ARFGEF2: variants seen among roughly 807,000 people sequenced by gnomAD.
ARFGEF2 encodes the protein ARF guanine nucleotide exchange factor 2.
In ARFGEF2, 74 loss-of-function variants were observed where a neutral mutation model predicts 219.9. The observed-to-expected ratio is 0.34, with a 90% CI of 0.28 to 0.41. The LOEUF (loss-of-function observed/expected upper bound fraction) is 0.41, where lower values mean the gene tolerates loss of function less well. ARFGEF2 is among the 10% of genes least tolerant of loss of function. ARFGEF2 has a pLI of 1.00. For missense variants in ARFGEF2, 1,743 were observed against 2,218.3 expected (o/e 0.79, Z 4.30); for synonymous variants, 733 against 799.2 (o/e 0.92, Z 1.40).
chr20:49,003,874 T>G (rs904079138), intron 25 of ARFGEF2, among the ~76,000 whole-genome samples: 70 of 152,150 alleles, frequency 4.6e-4, no homozygotes, highest in African/African-American at 1.6e-3. Context: ...GCCTCAATAA[T>G]TTTGCAGAAG....
At chr20:49,011,826 G>T (rs1535268) in intron 27 of ARFGEF2, 98 bp from the exon 28 acceptor site, 1 of 1,270,734 alleles carries the variant, frequency 7.9e-7, no homozygotes. Flanking sequence ...AATTATCTCT[G>T]ATGTATGTGT....
At chr20:49,028,778 A>C in intron 37 of ARFGEF2, 110 bp downstream of exon 37, 2 of 1,288,538 alleles carry the variant, frequency 1.6e-6, no homozygotes, top group Admixed American at 2.1e-5. Context: ...ACACTCTGAC[A>C]AATTTTTTTT....
At chr20:49,014,079 A>T (rs529730001) in intron 30 of ARFGEF2, 119 bp downstream of exon 30, 1 of 1,365,394 alleles carries the variant, frequency 7.3e-7, no homozygotes, top group African/African-American at 1.4e-5. Context: ...TGAGCAACTT[A>T]AGGTTTTAAA....
intron 34 of ARFGEF2, 101 bp downstream of exon 34, chr20:49,019,099 C>T: frequency 2.0e-6 from 2 of 997,930 alleles, no homozygotes; most frequent in Non-Finnish European, 3.1e-6. Flanking sequence ...TTCTTCTGCC[C>T]TGTGCCTCAG....
intron 6 of ARFGEF2, among the ~76,000 whole-genome samples, chr20:48,957,452 C>T (rs2091112521): frequency 6.6e-6 from 1 of 152,166 alleles, no homozygotes; most frequent in Non-Finnish European, 1.5e-5. Flanking sequence ...CAAGGTGGCC[C>T]TCTTATTTTG....
intron 26 of ARFGEF2, 147 bp from the exon 27 acceptor site, chr20:49,010,085 A>C (rs1401290349): frequency 1.1e-6 from 1 of 925,620 alleles, no homozygotes; most frequent in Non-Finnish European, 1.6e-6. Flanking sequence ...TTGGAATGGA[A>C]GTGAGAGGAA....
chr20:48,989,664 G>A lies in ARFGEF2; in HGVS notation c.2794G>A (p.Ala932Thr), dbSNP rs199594681. The A allele has an allele frequency of 2.2e-5, 35 of 1,614,184 alleles. No individual in the cohort carries two copies. In the East Asian group the frequency reaches 4.9e-4, roughly 23 times the overall value. Residue 932 changes from alanine to threonine, a missense_variant, in exon 20 of 39, where the codon GCC (alanine) becomes ACC (threonine). Ala to Thr is a moderately conservative substitution (Grantham distance 58). Around this residue, in one of 5 missense-constraint regions of ARFGEF2, gnomAD observed 666 missense variants for 955.4 expected, o/e 0.70. Transcript: ENST00000371917. Reference sequence around the variant, plus strand: ...AGGCATCCGATGTGCAATCCGAATCGCCTGCATCTTTGGAATGCAGGTAGG... The same window carrying A: ...AGGCATCCGATGTGCAATCCGAATCACCTGCATCTTTGGAATGCAGGTAGG... ...LEGIRCAIRI[A>T]CIFGMQLERD...
At chr20:48,960,632 C>T (rs1198761180) in intron 6 of ARFGEF2, among the ~76,000 whole-genome samples, 2 of 151,588 alleles carry the variant, frequency 1.3e-5, no homozygotes, top group African/African-American at 4.8e-5. Flanking sequence ...TACAGGTGCC[C>T]GCTACCACAC....
At chr20:49,017,622 A>T in intron 33 of ARFGEF2, 72 bp downstream of exon 33, 3 of 1,523,610 alleles carry the variant, frequency 2.0e-6, no homozygotes, top group African/African-American at 1.4e-5. Context: ...AAGCCTGTAT[A>T]GTTTGTACTT....
At chr20:49,023,562 G>A (rs6019592) in intron 35 of ARFGEF2, among the ~76,000 whole-genome samples, 14,858 of 146,772 alleles carry the variant, frequency 0.1, 1,015 homozygotes, top group African/African-American at 0.2. Flanking sequence ...TTTTTGAGAC[G>A]GAGTCTCGCT....
chr20:48,989,802 C>A, intron 20 of ARFGEF2, 118 bp downstream of exon 20: 2 of 1,431,748 alleles, frequency 1.4e-6, no homozygotes, highest in Non-Finnish European at 1.9e-6. Context: ...AAGCTACTTA[C>A]TTATGCCTAC....
In ARFGEF2 at chr20:49,022,930, C is replaced by T. The variant is rs545520868; in HGVS notation, c.4625-121C>T. Reference sequence around the variant, plus strand: ...AGGAGTTCAGGACCAGCCTGGAGAACGTAGTGAGACCCCATCTCTTAAAAA... The same window carrying T: ...AGGAGTTCAGGACCAGCCTGGAGAATGTAGTGAGACCCCATCTCTTAAAAA... On this transcript the variant is annotated intron_variant, in intron 34 of 38. Coordinates refer to ENST00000371917, the MANE Select transcript of ARFGEF2 (RefSeq NM_006420.3). 120 of 1,344,422 alleles carry T rather than the reference C, an allele frequency of 8.9e-5. No individual in the cohort carries two copies. The African/African-American group carries it at 1.2e-3, about 14-fold the overall frequency. 83.3% of individuals were successfully genotyped at this position (1,344,422 alleles called of 1,614,324 possible). A position where few individuals can be genotyped will look rare whatever the true frequency, so the allele number is the denominator to read the frequency against.
chr20:48,996,660 C>G (rs936270731), intron 23 of ARFGEF2, among the ~76,000 whole-genome samples: 1 of 151,066 alleles, frequency 6.6e-6, no homozygotes, highest in Non-Finnish European at 1.5e-5. Flanking sequence ...AGGGGAATAT[C>G]TTGAACCCAG....
intron 5 of ARFGEF2, 125 bp from the exon 6 acceptor site, chr20:48,953,431 C>T (rs1459905798): frequency 1.1e-6 from 1 of 883,876 alleles, no homozygotes; most frequent in Non-Finnish European, 1.9e-6. Flanking sequence ...CTGCCTCAGC[C>T]TTCCAAAGTG....
chr20:48,935,263 TGG>T (rs2090940583), intron 1 of ARFGEF2, among the ~76,000 whole-genome samples: 1 of 152,146 alleles, frequency 6.6e-6, no homozygotes, highest in African/African-American at 2.4e-5. Context: ...TTTGTGTCCC[TGG>T]GTACTTGAGA....
intron 20 of ARFGEF2, 42 bp downstream of exon 20, chr20:48,989,726 G>C: frequency 6.2e-7 from 1 of 1,613,018 alleles, no homozygotes. Context: ...CTGGTGGGTT[G>C]TGCTCTTTTA....
At position 48,953,586 on chromosome 20, in the gene ARFGEF2, A is replaced by G. The variant is rs1240328074; in HGVS notation, c.634A>G (p.Ile212Val). Residue 212 changes from isoleucine (I) to valine (V), a missense_variant, in exon 6 of 39, where the codon ATC becomes GTC. Transcript: ENST00000371917. ...GGAGGCCAGAGAACTGGAAAAACCA[A>G]TCCAGTCAAAACCCCAGTCCCCTGT... is the stretch of plus-strand genomic sequence containing the variant. ...LQEARELEKPIQSKPQSPVIQ... is the reference protein window; with the variant it reads ...LQEARELEKPVQSKPQSPVIQ... 2 of 1,614,020 alleles carry G rather than the reference A, an allele frequency of 1.2e-6. No homozygotes were observed. Among genetic ancestry groups the G allele is most frequent in the African/African-American group, 1.3e-5 (1 of 74,890 alleles).
intron 6 of ARFGEF2, among the ~76,000 whole-genome samples, chr20:48,963,007 A>G (rs976725072): frequency 8.6e-5 from 13 of 152,000 alleles, no homozygotes; most frequent in African/African-American, 3.1e-4. Context: ...CAGGAGTTCA[A>G]GACCAGCCTA....
intron 38 of ARFGEF2, 134 bp downstream of exon 38, chr20:49,032,300 A>G (rs969770320): frequency 1.3e-6 from 1 of 744,846 alleles, no homozygotes; most frequent in Non-Finnish European, 2.4e-6. Flanking sequence ...TTCTAGATGC[A>G]TTGGAGAGAA....
Sources: allele counts gnomAD v4.1 joint callset (sites outside exome capture counted in the v4.1 genomes callset), GRCh38; gene constraint gnomAD v4.1.1; regional missense constraint gnomAD v4.1.1; transcripts MANE v1.5; gene names NCBI Gene and HGNC (gene_info 2026-07-23, HGNC 2026-07-21).